RBFOX2: variants seen among roughly 807,000 people sequenced by gnomAD.
The protein encoded by RBFOX2 is RNA binding protein fox-1 homolog 2.
RBFOX2 carries 10 observed loss-of-function variants against 49.1 expected under a neutral mutation model. The observed-to-expected ratio is 0.20, with a 90% CI of 0.13 to 0.35. RBFOX2 has a LOEUF of 0.35. Ranked by LOEUF, RBFOX2 falls within the 10% of genes least tolerant of loss-of-function variation. The probability of loss-of-function intolerance (pLI) is 1.00; values close to 1 mark genes in which losing one functional copy is unlikely to be tolerated. For missense variants in RBFOX2, 323 were observed against 486.9 expected, an observed-to-expected ratio of 0.66 and a Z score of 3.17; for synonymous variants, 183 against 187.4, an observed-to-expected ratio of 0.98 and a Z score of 0.19.
At chr22:35,820,878 G>C (rs1157959045) in intron 1 of RBFOX2, among the ~76,000 whole-genome samples, 1 of 152,144 alleles carries the variant, frequency 6.6e-6, no homozygotes, top group African/African-American at 2.4e-5. Flanking sequence ...AAACTTTGAA[G>C]GGACTTACAC....
At chr22:35,835,640 T>C (rs576338727) in intron 1 of RBFOX2, among the ~76,000 whole-genome samples, 3 of 152,040 alleles carry the variant, frequency 2.0e-5, no homozygotes, top group South Asian at 2.1e-4. Context: ...CTAGACTCAA[T>C]TGCAAAGCTA....
At chr22:35,930,218 C>T (rs940655881) in intron 1 of RBFOX2, among the ~76,000 whole-genome samples, 9 of 151,230 alleles carry the variant, frequency 6.0e-5, no homozygotes, top group Non-Finnish European at 1.2e-4. Context: ...ATAGGGTTTC[C>T]CCATGTTGGC....
At chr22:36,022,393 G>A (rs1220655513) in intron 1 of RBFOX2, among the ~76,000 whole-genome samples, 1 of 152,182 alleles carries the variant, frequency 6.6e-6, no homozygotes, top group Non-Finnish European at 1.5e-5. Context: ...AAATGACAGA[G>A]TAGCTAGAAA....
At chr22:35,819,959 A>G (rs1370329676) in intron 1 of RBFOX2, among the ~76,000 whole-genome samples, 1 of 152,204 alleles carries the variant, frequency 6.6e-6, no homozygotes, top group Non-Finnish European at 1.5e-5. Context: ...GACTCCAGAC[A>G]AAGGGAACAC....
intron 1 of RBFOX2, among the ~76,000 whole-genome samples, chr22:36,026,513 G>A (rs749971262): frequency 6.7e-6 from 1 of 149,642 alleles, no homozygotes; most frequent in African/African-American, 2.5e-5. Context: ...CTATTAACTA[G>A]GATTGACAGA....
At chr22:35,820,548 T>G (rs1721121580) in intron 1 of RBFOX2, among the ~76,000 whole-genome samples, 1 of 152,308 alleles carries the variant, frequency 6.6e-6, no homozygotes, top group South Asian at 2.1e-4. Context: ...ACCTAATACT[T>G]AACTCTATTA....
intron 1 of RBFOX2, among the ~76,000 whole-genome samples, chr22:35,835,630 C>T (rs1168258118): frequency 1.3e-5 from 2 of 151,882 alleles, no homozygotes; most frequent in African/African-American, 2.4e-5. Flanking sequence ...TTAAGCTTAC[C>T]TAGACTCAAT....
At chr22:35,944,803 C>T (rs1340143799) in intron 1 of RBFOX2, among the ~76,000 whole-genome samples, 2 of 152,024 alleles carry the variant, frequency 1.3e-5, no homozygotes, top group Non-Finnish European at 2.9e-5. Context: ...TGGCCAGCCG[C>T]GGCGGCTCAC....
chr22:35,857,027 G>T (rs897256724), intron 1 of RBFOX2, among the ~76,000 whole-genome samples: 1 of 152,156 alleles, frequency 6.6e-6, no homozygotes, highest in African/African-American at 2.4e-5. Context: ...GCGAGACTCC[G>T]TCTCCAAAAG....
intron 1 of RBFOX2, among the ~76,000 whole-genome samples, chr22:35,887,062 G>T (rs1195690964): frequency 2.0e-5 from 3 of 151,988 alleles, no homozygotes; most frequent in Non-Finnish European, 4.4e-5. Context: ...TTACTTACTT[G>T]GTTCCAAATT....
chr22:35,837,289 G>C (rs949904311), intron 1 of RBFOX2, among the ~76,000 whole-genome samples: 1 of 152,180 alleles, frequency 6.6e-6, no homozygotes, highest in African/African-American at 2.4e-5. Flanking sequence ...GGAAACTGGG[G>C]ACTACAGAGA....
chr22:35,791,213 C>T (rs1448758938), intron 2 of RBFOX2, among the ~76,000 whole-genome samples: 2 of 151,744 alleles, frequency 1.3e-5, no homozygotes, highest in Admixed American at 6.6e-5. Context: ...GGTGAAACCT[C>T]GTCTCCACTA....
At chr22:35,929,949 C>A (rs921022218) in intron 1 of RBFOX2, among the ~76,000 whole-genome samples, 3 of 150,250 alleles carry the variant, frequency 2.0e-5, no homozygotes, top group Non-Finnish European at 4.4e-5. Context: ...TATACGTTTA[C>A]TAAATATCAC....
At chr22:36,010,841 G>A (rs1288919591) in intron 1 of RBFOX2, among the ~76,000 whole-genome samples, 4 of 151,226 alleles carry the variant, frequency 2.6e-5, no homozygotes, top group Non-Finnish European at 5.9e-5. Flanking sequence ...TCTCAGTTAC[G>A]GAGAGGCCAT....
chr22:35,933,676 G>A (rs1021375301), intron 1 of RBFOX2, among the ~76,000 whole-genome samples: 2 of 152,038 alleles, frequency 1.3e-5, no homozygotes, highest in South Asian at 2.1e-4. Context: ...CCCTGTGGTT[G>A]ATTAAAGTAT....
intron 5 of RBFOX2, among the ~76,000 whole-genome samples, chr22:35,766,382 A>C (rs566288229): frequency 9.2e-4 from 140 of 152,292 alleles, no homozygotes; most frequent in African/African-American, 3.2e-3. Context: ...GAAGCATAAA[A>C]TATAAATGTC....
chr22:35,948,595 G>A (rs1026869300), intron 1 of RBFOX2, among the ~76,000 whole-genome samples: 1 of 152,112 alleles, frequency 6.6e-6, no homozygotes, highest in African/African-American at 2.4e-5. Context: ...TGAAATGGGA[G>A]GATGGCTTGA....
At chr22:35,904,100 C>T (rs1037783749) in intron 1 of RBFOX2, among the ~76,000 whole-genome samples, 11 of 152,158 alleles carry the variant, frequency 7.2e-5, no homozygotes, top group Admixed American at 4.6e-4. Flanking sequence ...CCTTAATTCC[C>T]TCTTTCTGAA....
At chr22:35,889,347 T>C (rs1452634257) in intron 1 of RBFOX2, among the ~76,000 whole-genome samples, 1 of 152,090 alleles carries the variant, frequency 6.6e-6, no homozygotes, top group Admixed American at 6.5e-5. Context: ...ATGTAAGCAA[T>C]ATTTCCTCTT....
Sources: allele counts gnomAD v4.1 joint callset (sites outside exome capture counted in the v4.1 genomes callset), GRCh38; gene constraint gnomAD v4.1.1; transcripts MANE v1.5; gene names NCBI Gene and HGNC (gene_info 2026-07-23, HGNC 2026-07-21).